PARD3B: variants seen among roughly 807,000 people sequenced by gnomAD.
PARD3B encodes the protein par-3 family cell polarity regulator beta, also known as partitioning defective 3 homolog B.
PARD3B carries 103 observed loss-of-function variants against 130.2 expected under a neutral mutation model. That is an observed-to-expected ratio of 0.79 (90% CI 0.67 to 0.93). The LOEUF is 0.93. PARD3B is among the 40% of genes least tolerant of loss of function. PARD3B has a pLI of 0.00. For synonymous variants in PARD3B, 583 were observed against 553.2 expected (o/e 1.05, Z -0.76); for missense variants, 1,609 against 1,499.2 (o/e 1.07, Z -1.21).
At chr2:204,762,302 T>C (rs2040939529) in intron 2 of PARD3B, among the ~76,000 whole-genome samples, 1 of 151,592 alleles carries the variant, frequency 6.6e-6, no homozygotes, top group Non-Finnish European at 1.5e-5. Flanking sequence ...TTTGTAGAGA[T>C]GGGGTTTCAC....
chr2:205,163,315 G>A (rs1438596889), intron 11 of PARD3B, among the ~76,000 whole-genome samples: 1 of 152,164 alleles, frequency 6.6e-6, no homozygotes, highest in African/African-American at 2.4e-5. Context: ...AAGACTATCA[G>A]TTATTCTCTA....
chr2:204,630,423 G>A (rs2034636899), intron 1 of PARD3B, among the ~76,000 whole-genome samples: 1 of 151,876 alleles, frequency 6.6e-6, no homozygotes, highest in Non-Finnish European at 1.5e-5. Context: ...GGTAATATTT[G>A]TAAATATTTG....
intron 1 of PARD3B, among the ~76,000 whole-genome samples, chr2:204,597,609 T>G (rs2033352475): frequency 6.6e-6 from 1 of 152,212 alleles, no homozygotes; most frequent in Non-Finnish European, 1.5e-5. Context: ...TTTTTTACTC[T>G]TAAGTAAATG....
At chr2:205,502,095 C>T (rs1466759161) in intron 21 of PARD3B, among the ~76,000 whole-genome samples, 1 of 152,078 alleles carries the variant, frequency 6.6e-6, no homozygotes, top group East Asian at 1.9e-4. Context: ...ATCTCAGCAT[C>T]CTTTCCTCTC....
chr2:205,154,911 G>T (rs2034013773), intron 10 of PARD3B, among the ~76,000 whole-genome samples: 1 of 152,058 alleles, frequency 6.6e-6, no homozygotes. Flanking sequence ...GGGGCCTGGG[G>T]GAGGGATAGC....
At chr2:205,307,928 C>T (rs561483675) in intron 18 of PARD3B, among the ~76,000 whole-genome samples, 1 of 152,138 alleles carries the variant, frequency 6.6e-6, no homozygotes, top group East Asian at 1.9e-4. Context: ...CCCTTATCTA[C>T]AACTTTTATA....
rs2035223330 is a variant in PARD3B at position 205,172,377 on chromosome 2, T to C, written c.1787T>C (p.Met596Thr). The C allele has an allele frequency of 1.9e-6, 3 of 1,612,686 alleles. No individual in the cohort carries two copies. Among genetic ancestry groups the C allele is most frequent in the East Asian group, 4.5e-5 (2 of 44,806 alleles). ...ATTCTGAGGAGGCCAGAGAGACCAA[T>C]GGAGGTGATGCAAATCTTGATTCTC... ...LVILRRPERP[M>T]EDPAECGAFS... The change falls in exon 12 of 23, where the codon ATG becomes ACG. Residue 596 changes from methionine (M) to threonine (T), a missense_variant. Transcript: ENST00000406610.
intron 19 of PARD3B, among the ~76,000 whole-genome samples, chr2:205,419,376 T>A (rs1486962943): frequency 2.0e-5 from 3 of 152,204 alleles, no homozygotes; most frequent in Non-Finnish European, 4.4e-5. Flanking sequence ...ACTGTGAATC[T>A]ATTAAACCTC....
intron 4 of PARD3B, among the ~76,000 whole-genome samples, chr2:205,104,038 T>G (rs1056040799): frequency 3.3e-5 from 5 of 152,178 alleles, no homozygotes; most frequent in Non-Finnish European, 5.9e-5. Flanking sequence ...ATTTTAATGT[T>G]GTGAGGGGCA....
intron 1 of PARD3B, among the ~76,000 whole-genome samples, chr2:204,587,173 G>A (rs905262355): frequency 1.3e-5 from 2 of 152,130 alleles, no homozygotes; most frequent in Non-Finnish European, 2.9e-5. Context: ...GGATATGCCA[G>A]TGAGACAGAG....
chr2:205,071,250 T>A (rs957914980), intron 4 of PARD3B, among the ~76,000 whole-genome samples: 8 of 152,146 alleles, frequency 5.3e-5, no homozygotes, highest in African/African-American at 1.2e-4. Context: ...TTCTTACAAG[T>A]TTCCTTCCTT....
At chr2:205,117,681 T>C (rs1212030513) in intron 6 of PARD3B, among the ~76,000 whole-genome samples, 1 of 152,164 alleles carries the variant, frequency 6.6e-6, no homozygotes, top group Admixed American at 6.5e-5. Context: ...AGTGACAAAG[T>C]CGAAAAGCAA....
chr2:205,099,427 A>G (rs1702601807), intron 4 of PARD3B, among the ~76,000 whole-genome samples: 2 of 152,198 alleles, frequency 1.3e-5, no homozygotes, highest in Non-Finnish European at 2.9e-5. Flanking sequence ...TTTAAAAGTC[A>G]TCTTACAGAT....
At chr2:205,297,732 A>AT (rs35954752) in intron 16 of PARD3B, among the ~76,000 whole-genome samples, 1 of 151,988 alleles carries the variant, frequency 6.6e-6, no homozygotes, top group Non-Finnish European at 1.5e-5. Context: ...AATAAATAGA[A>AT]TTTTTTTTCC....
At position 204,686,247 on chromosome 2, in the gene PARD3B, G is replaced by A. The variant is rs2037078002; in HGVS notation, c.187G>A (p.Asp63Asn). The A allele has an allele frequency of 6.2e-7, 1 of 1,612,674 alleles. No individual in the cohort carries two copies. The highest frequency in any genetic ancestry group is 8.5e-7 in the Non-Finnish European group (1 of 1,178,846). Residue 63 changes from aspartate to asparagine, a missense_variant, in exon 2 of 23, where the codon GAT (aspartate) becomes AAT (asparagine). Coordinates refer to ENST00000406610, the MANE Select transcript of PARD3B (RefSeq NM_001302769.2). ...YTDGGILDPD[D>N]VLADVVEDKD... ...AGATGGAGGAATCCTGGATCCAGAT[G>A]ATGTCTTGGCAGATGTTGTTGAAGA...
In PARD3B at chr2:205,056,091, G is replaced by A. The variant is rs192847069; in HGVS notation, c.504+8401G>A. On this transcript the variant is annotated intron_variant, in intron 4 of 22. Coordinates refer to ENST00000406610, the MANE Select transcript of PARD3B (RefSeq NM_001302769.2). ...TTAGTAAAGACTGATGACATAGGAG[G>A]AAAGGGTTAATGAGAGTTCACCTTG... Among the ~76,000 whole-genome samples, 1,143 of 152,204 alleles carry A rather than the reference G, an allele frequency of 7.5e-3. 9 individuals are homozygous for A. Among genetic ancestry groups the A allele is most frequent in the Middle Eastern group, 0.014 (4 of 294 alleles).
At chr2:204,934,781 G>C (rs1398409711) in intron 2 of PARD3B, among the ~76,000 whole-genome samples, 4 of 152,130 alleles carry the variant, frequency 2.6e-5, no homozygotes, top group Non-Finnish European at 4.4e-5. Flanking sequence ...AGTGGGAACG[G>C]GGTAAGTATT....
chr2:204,736,348 G>A (rs569686464), intron 2 of PARD3B, among the ~76,000 whole-genome samples: 1 of 152,188 alleles, frequency 6.6e-6, no homozygotes, highest in South Asian at 2.1e-4. Context: ...CTATAGTGAT[G>A]AATTTTGAGA....
chr2:205,382,206 C>T (rs2045477129), intron 18 of PARD3B, among the ~76,000 whole-genome samples: 1 of 152,044 alleles, frequency 6.6e-6, no homozygotes, highest in African/African-American at 2.4e-5. Flanking sequence ...CCTTGGTCCC[C>T]TGTGCTAGCT....
Sources: allele counts gnomAD v4.1 joint callset (sites outside exome capture counted in the v4.1 genomes callset), GRCh38; gene constraint gnomAD v4.1.1; transcripts MANE v1.5; gene names NCBI Gene and HGNC (gene_info 2026-07-23, HGNC 2026-07-21).